The following A1CF variants were observed in gnomAD, a reference collection of about 807,000 sequenced individuals.
A1CF encodes APOBEC1 complementation factor, also known as APOBEC-1 stimulating protein.
Under a neutral mutation model 68.9 loss-of-function variants are expected in A1CF, and 48 were observed. That is an observed-to-expected ratio of 0.70 (90% CI 0.55 to 0.89). The LOEUF is 0.89. Among genes scored for constraint, A1CF ranks in the 40% least tolerant of loss-of-function variants. A1CF has a pLI of 0.00. For synonymous variants in A1CF, 272 were observed against 260.4 expected (o/e 1.04, Z -0.43); for missense variants, 653 against 718.9 (o/e 0.91, Z 1.05).
At position 50,802,660 on chromosome 10, in the gene A1CF, A is replaced by C. The variant is rs1166608239; in HGVS notation, c.*4069T>G. 1 of 143,038 alleles carries C rather than the reference A, an allele frequency of 7.0e-6. No homozygotes were observed. Among genetic ancestry groups the C allele is most frequent in the Non-Finnish European group, 1.6e-5 (1 of 63,798 alleles). The allele number at this position is 143,038 out of a possible 1,614,324, so 8.9% of individuals were successfully genotyped here. ...GAGCACATAGTTCATTTTTTGTTGT[A>C]AGTTACTTTTAGGAAATCTTAGTGT... On this transcript the variant is annotated 3_prime_UTR_variant, in exon 13 of 13. Transcript: ENST00000373997.
At chr10:50,869,670 A>G (rs1841158012) in intron 1 of A1CF, among the ~76,000 whole-genome samples, 1 of 152,152 alleles carries the variant, frequency 6.6e-6, no homozygotes, top group East Asian at 1.9e-4. Context: ...AATCAAATCA[A>G]TGTTCTAGAA....
At chr10:50,882,446 C>T (rs1245986693) in intron 1 of A1CF, among the ~76,000 whole-genome samples, 1 of 152,012 alleles carries the variant, frequency 6.6e-6, no homozygotes, top group Non-Finnish European at 1.5e-5. Flanking sequence ...ACAAACAAAC[C>T]ATCATCAACA....
chr10:50,839,341 G>C (rs1187045314), intron 5 of A1CF, among the ~76,000 whole-genome samples: 5 of 152,134 alleles, frequency 3.3e-5, no homozygotes, highest in African/African-American at 1.2e-4. Flanking sequence ...ACGATGTCAA[G>C]GTTCCATGAA....
chr10:50,843,104 T>C (rs944191073), intron 4 of A1CF, among the ~76,000 whole-genome samples: 5 of 152,228 alleles, frequency 3.3e-5, no homozygotes, highest in African/African-American at 1.2e-4. Flanking sequence ...GGTTGGTCAC[T>C]TCTCAGCTCA....
chr10:50,806,664 GTTTA>G lies in A1CF; in HGVS notation c.*61_*64del. On this transcript the variant is annotated 3_prime_UTR_variant, in exon 13 of 13. Transcript: ENST00000373997. The stretch of plus-strand genomic sequence containing the variant: ...ATGATCATTGGGGACCGAGTTAGAG[GTTTA>G]TTTCTTTTTTTTTTTTAATAGAGTT... The G allele has an allele frequency of 2.1e-6, 3 of 1,425,898 alleles. No individual in the cohort carries two copies. Among genetic ancestry groups the G allele is most frequent in the Middle Eastern group, 2.0e-4 (1 of 4,960 alleles). 88.3% of individuals were successfully genotyped at this position (1,425,898 alleles called of 1,614,324 possible). A position where few individuals can be genotyped will look rare whatever the true frequency, so the allele number is the denominator to read the frequency against.
chr10:50,854,863 A>T (rs1456532290), intron 3 of A1CF, among the ~76,000 whole-genome samples: 1 of 151,954 alleles, frequency 6.6e-6, no homozygotes, highest in African/African-American at 2.4e-5. Flanking sequence ...CCTCAGAAAA[A>T]TTGATTGTGC....
At position 50,884,144 on chromosome 10, in the gene A1CF, A is replaced by G. The variant is rs137858972; in HGVS notation, c.-94+1437T>C. On this transcript the variant is annotated intron_variant, in intron 1 of 12. Transcript: ENST00000373997. ...TTTCTTTTGAGCCACATTTATTAACATCCACTGAATATAGTGTAGGAAATG... is the reference window on the plus strand; with the variant it reads ...TTTCTTTTGAGCCACATTTATTAACGTCCACTGAATATAGTGTAGGAAATG... Among the ~76,000 whole-genome samples, 92 of 152,334 alleles carry G rather than the reference A, an allele frequency of 6.0e-4. No homozygotes were observed. In the East Asian group the frequency reaches 0.015, roughly 25 times the overall value.
rs7077103 is a variant in A1CF, at chr10:50,871,130, A to G, written c.-93-7050T>C. Among the ~76,000 whole-genome samples, 1,431 of 151,934 alleles carry G rather than the reference A, an allele frequency of 9.4e-3. 30 individuals carry two copies. The highest frequency in any genetic ancestry group is 0.033 in the African/African-American group (1,356 of 41,554). ...CTCAGAAACATGAAACAAACATTAT[A>G]CTTAGTAATGAAACACCACAATCAT... is the stretch of plus-strand genomic sequence containing the variant. On this transcript the variant is annotated intron_variant, in intron 1 of 12. Transcript: ENST00000373997.
intron 1 of A1CF, among the ~76,000 whole-genome samples, chr10:50,865,779 C>T (rs1840962600): frequency 6.6e-6 from 1 of 152,194 alleles, no homozygotes; most frequent in African/African-American, 2.4e-5. Context: ...CTTTCTTTGA[C>T]AACCTCTGTA....
intron 7 of A1CF, among the ~76,000 whole-genome samples, chr10:50,821,846 T>C (rs941415392): frequency 6.6e-6 from 1 of 152,128 alleles, no homozygotes; most frequent in African/African-American, 2.4e-5. Context: ...CCAAGACCTA[T>C]TGTTAATTTT....
In A1CF at chr10:50,804,000, C is replaced by T. The variant is rs1837715468; in HGVS notation, c.*2729G>A. ...TAATTTTAAACTTATGGTAGCAGGA[C>T]TTGCTCTATCTACCTAACTTGGGGA... On this transcript the variant is annotated 3_prime_UTR_variant, in exon 13 of 13. Coordinates refer to ENST00000373997, the MANE Select transcript of A1CF (RefSeq NM_014576.4). The T allele has an allele frequency of 6.6e-6, 1 of 152,134 alleles. No homozygotes were observed. Among genetic ancestry groups the T allele is most frequent in the Non-Finnish European group, 1.5e-5 (1 of 68,006 alleles). The allele number at this position is 152,134 out of a possible 1,614,324, so 9.4% of individuals were successfully genotyped here.
intron 1 of A1CF, among the ~76,000 whole-genome samples, chr10:50,883,954 A>G (rs1841892881): frequency 6.6e-6 from 1 of 152,216 alleles, no homozygotes; most frequent in African/African-American, 2.4e-5. Flanking sequence ...AGTTGTTCCA[A>G]GAATAACATG....
chr10:50,861,101 T>C (rs1191443860), intron 2 of A1CF, among the ~76,000 whole-genome samples: 1 of 152,170 alleles, frequency 6.6e-6, no homozygotes, highest in Non-Finnish European at 1.5e-5. Context: ...CTTTAAAGAC[T>C]CAGAATGAAG....
intron 9 of A1CF, 102 bp downstream of exon 9, chr10:50,815,904 T>A (rs1308596265): frequency 7.4e-7 from 1 of 1,343,694 alleles, no homozygotes; most frequent in East Asian, 2.3e-5. Flanking sequence ...AATTTTTCAG[T>A]GCTTTTCTCC....
intron 4 of A1CF, among the ~76,000 whole-genome samples, chr10:50,843,322 A>G (rs931277493): frequency 6.6e-6 from 1 of 152,202 alleles, no homozygotes; most frequent in African/African-American, 2.4e-5. Context: ...AATTAGGTGC[A>G]GTTCTGAATC....
intron 7 of A1CF, 67 bp from the exon 8 acceptor site, chr10:50,820,716 G>A: frequency 7.8e-7 from 1 of 1,284,522 alleles, no homozygotes; most frequent in Non-Finnish European, 1.1e-6. Flanking sequence ...ATATATTTTA[G>A]CATCTAGCTG....
chr10:50,872,998 C>T (rs752842102), intron 1 of A1CF, among the ~76,000 whole-genome samples: 5 of 137,884 alleles, frequency 3.6e-5, no homozygotes, highest in Non-Finnish European at 7.6e-5. Context: ...CTCTATCACC[C>T]AGGCTGGAGT....
chr10:50,835,159 T>C (rs1284665915), intron 6 of A1CF, among the ~76,000 whole-genome samples: 2 of 152,126 alleles, frequency 1.3e-5, no homozygotes, highest in Non-Finnish European at 2.9e-5. Context: ...TCCCTTTAAG[T>C]TGCCTTCATG....
intron 1 of A1CF, among the ~76,000 whole-genome samples, chr10:50,873,763 G>A (rs988092054): frequency 1.3e-5 from 2 of 151,890 alleles, no homozygotes; most frequent in South Asian, 4.2e-4. Context: ...CATCCTATAT[G>A]GAATCATTCT....
Sources: allele counts gnomAD v4.1 joint callset (sites outside exome capture counted in the v4.1 genomes callset), GRCh38; gene constraint gnomAD v4.1.1; transcripts MANE v1.5; gene names NCBI Gene and HGNC (gene_info 2026-07-23, HGNC 2026-07-21).